PCDHA7: variants seen among roughly 807,000 people sequenced by gnomAD.
The protein encoded by PCDHA7 is protocadherin alpha-7.
In PCDHA7, 37 loss-of-function variants were observed where a neutral mutation model predicts 57.2. The observed-to-expected ratio is 0.65, with a 90% confidence interval of 0.50 to 0.85. PCDHA7 has a LOEUF of 0.85. PCDHA7 is among the 40% of genes least tolerant of loss of function. The probability of loss-of-function intolerance (pLI) is 0.00; values close to 1 mark genes in which losing one functional copy is unlikely to be tolerated. For missense variants in PCDHA7, 1,188 were observed against 1,241.8 expected (o/e 0.96, Z 0.65); for synonymous variants, 553 against 558.8 (o/e 0.99, Z 0.15).
chr5:140,891,591 A>T (rs782194139), intron 1 of PCDHA7, among the ~76,000 whole-genome samples: 1 of 152,092 alleles, frequency 6.6e-6, no homozygotes, highest in Non-Finnish European at 1.5e-5. Flanking sequence ...TTATTACTCT[A>T]TCCCATCTAT....
chr5:140,918,633 A>G (rs2078785997), intron 1 of PCDHA7, among the ~76,000 whole-genome samples: 1 of 152,242 alleles, frequency 6.6e-6, no homozygotes, highest in Non-Finnish European at 1.5e-5. Flanking sequence ...CCCCAAATTC[A>G]TAAATTGAAA....
intron 1 of PCDHA7, among the ~76,000 whole-genome samples, chr5:140,838,077 AGTGTGT>A (rs2150283763): frequency 0.11 from 9,093 of 79,922 alleles, 336 homozygotes; most frequent in East Asian, 0.23. Flanking sequence ...ATATATATAT[AGTGTGT>A]GTGTGTGTGT....
intron 3 of PCDHA7, among the ~76,000 whole-genome samples, chr5:140,986,799 CTTAG>C (rs782752084): frequency 3.9e-5 from 6 of 152,154 alleles, no homozygotes; most frequent in South Asian, 4.1e-4. Context: ...GGCAGTGAGT[CTTAG>C]TTAGAGAACT....
intron 1 of PCDHA7, among the ~76,000 whole-genome samples, chr5:140,893,926 C>G (rs1481035774): frequency 6.6e-6 from 1 of 152,180 alleles, no homozygotes; most frequent in Non-Finnish European, 1.5e-5. Context: ...TTTTCAGAAT[C>G]TCTACCTGTT....
At chr5:140,901,235 T>A (rs1554189665) in intron 1 of PCDHA7, among the ~76,000 whole-genome samples, 1 of 152,174 alleles carries the variant, frequency 6.6e-6, no homozygotes, top group African/African-American at 2.4e-5. Context: ...TATATCCATT[T>A]TTTTCCTTTG....
intron 1 of PCDHA7, chr5:140,857,395 C>T (rs1554149953): frequency 6.3e-7 from 1 of 1,598,586 alleles, no homozygotes; most frequent in South Asian, 1.1e-5. Context: ...ACGTGAACGA[C>T]AACGCGCCTG....
intron 1 of PCDHA7, chr5:140,882,011 ATAC>A (rs1437092618): frequency 3.8e-6 from 2 of 531,314 alleles, no homozygotes; most frequent in Admixed American, 3.8e-5. Flanking sequence ...GGGCAAAAAA[ATAC>A]TACATCAATG....
chr5:140,839,341 G>C (rs2150296500), intron 1 of PCDHA7, among the ~76,000 whole-genome samples: 1 of 150,798 alleles, frequency 6.6e-6, no homozygotes, highest in Non-Finnish European at 1.5e-5. Context: ...AGTTGATAGG[G>C]GATCCTCCTT....
intron 2 of PCDHA7, among the ~76,000 whole-genome samples, chr5:140,981,956 T>C (rs2096959461): frequency 6.6e-6 from 1 of 152,184 alleles, no homozygotes; most frequent in Non-Finnish European, 1.5e-5. Flanking sequence ...GGGTCATCTA[T>C]GCATAAAAGA....
rs146090059 is a variant in PCDHA7 at position 140,857,944 on chromosome 5, G to A, written c.2355+21206G>A. 6.4e-5 allele frequency: 102 copies of A among 1,597,474 alleles called. 12 individuals are homozygous for A. The highest frequency in any genetic ancestry group is 5.1e-4 in the Admixed American group (30 of 59,248). ...GGCTGTACACGGGCGAGATCAGTAC[G>A]ACGCGCGCTCTGGATGAGACTGACT... On this transcript the variant is annotated intron_variant, in intron 1 of 3. Coordinates refer to ENST00000525929, the MANE Select transcript of PCDHA7 (RefSeq NM_018910.3).
intron 1 of PCDHA7, chr5:140,855,785 A>G (rs2043622079): frequency 4.7e-6 from 2 of 426,874 alleles, no homozygotes; most frequent in Non-Finnish European, 4.2e-6. Context: ...ACGTAAAAAA[A>G]GAATTAACAT....
At position 140,835,608 on chromosome 5, in the gene PCDHA7, C is replaced by T. The variant is rs1554135105; in HGVS notation, c.1225C>T (p.Leu409=). The change falls in exon 1 of 4, where the codon CTG becomes TTG. Residue 409 remains leucine (L), a synonymous_variant. Coordinates refer to ENST00000525929, the MANE Select transcript of PCDHA7 (RefSeq NM_018910.3). ...STFKNYYSLV[L]DSALDRESVS... ...CTTCAAGAATTACTATTCATTGGTG[C>T]TGGACAGCGCTCTGGACCGCGAGAG... 1.9e-6 allele frequency: 3 copies of T among 1,613,898 alleles called. No individual in the cohort carries two copies. The highest frequency in any genetic ancestry group is 2.2e-5 in the East Asian group (1 of 44,824).
chr5:140,870,420 G>A (rs371557347), intron 1 of PCDHA7: 9 of 1,614,234 alleles, frequency 5.6e-6, no homozygotes, highest in Admixed American at 1.7e-5. Context: ...CCACGGCCAG[G>A]GTATCCGTGG....
chr5:140,869,679 G>A, intron 1 of PCDHA7: 1 of 1,613,452 alleles, frequency 6.2e-7, no homozygotes, highest in Non-Finnish European at 8.5e-7. Flanking sequence ...TTAAAAGACT[G>A]TCACTTATTT....
intron 1 of PCDHA7, among the ~76,000 whole-genome samples, chr5:140,895,618 T>C (rs569188891): frequency 1.1e-4 from 16 of 152,206 alleles, no homozygotes; most frequent in African/African-American, 3.9e-4. Context: ...TCATTGAGGG[T>C]GTTGTCTTTT....
At chr5:140,983,931 G>A (rs1398681067) in intron 3 of PCDHA7, among the ~76,000 whole-genome samples, 1 of 152,190 alleles carries the variant, frequency 6.6e-6, no homozygotes, top group Non-Finnish European at 1.5e-5. Context: ...GCTATTTATG[G>A]ATGTTGCACA....
intron 1 of PCDHA7, among the ~76,000 whole-genome samples, chr5:140,944,623 T>G (rs535315515): frequency 2.0e-5 from 3 of 152,202 alleles, no homozygotes; most frequent in Non-Finnish European, 4.4e-5. Flanking sequence ...AGAAGTATAG[T>G]GTTGTAAGCC....
At position 140,835,180 on chromosome 5, in the gene PCDHA7, C is replaced by A; in HGVS notation, c.797C>A (p.Ala266Asp). The A allele has an allele frequency of 6.6e-7, 1 of 1,515,706 alleles. No individual in the cohort carries two copies. Among genetic ancestry groups the A allele is most frequent in the Non-Finnish European group, 8.9e-7 (1 of 1,120,358 alleles). 93.9% of individuals were successfully genotyped at this position (1,515,706 alleles called of 1,614,324 possible). A position where few individuals can be genotyped will look rare whatever the true frequency, so the allele number is the denominator to read the frequency against. ...GGAACGCTGGTGATTCACCCCAATG[C>A]CTCAGATTTAGACGAAGGCTTGAAT... Reference protein sequence around the residue: ...SIGTLVIHPNASDLDEGLNGD... With the variant: ...SIGTLVIHPNDSDLDEGLNGD... Residue 266 changes from alanine to aspartate, a missense_variant, in exon 1 of 4, where the codon GCC becomes GAC. Ala to Asp is a moderately radical substitution (Grantham distance 126). Coordinates refer to ENST00000525929, the MANE Select transcript of PCDHA7 (RefSeq NM_018910.3).
At chr5:140,854,577 T>A (rs1402971625) in intron 1 of PCDHA7, 1 of 149,930 alleles carries the variant, frequency 6.7e-6, no homozygotes, top group African/African-American at 2.4e-5. Context: ...TCATTCAGAT[T>A]TTAATAAAAA....
Sources: gnomAD v4.1 joint callset for allele counts (sites outside exome capture counted in the v4.1 genomes callset) on GRCh38, gnomAD v4.1.1 for gene constraint, MANE v1.5 for transcripts, NCBI Gene and HGNC (gene_info 2026-07-23, HGNC 2026-07-21) for gene names.